Variants in RGS17 observed in about 807,000 individuals in gnomAD.
The protein encoded by RGS17 is regulator of G protein signaling 17, also known as regulator of G-protein signaling 17.
Under a neutral mutation model 25.5 loss-of-function variants are expected in RGS17, and 12 were observed. The observed-to-expected ratio is 0.47, with a 90% CI of 0.30 to 0.76. The LOEUF is 0.76. Ranked by LOEUF, RGS17 falls within the 30% of genes least tolerant of loss-of-function variation. The pLI is 0.07. For synonymous variants in RGS17, 71 were observed against 76.9 expected (o/e 0.92, Z 0.40); for missense variants, 196 against 242.2 (o/e 0.81, Z 1.27).
At chr6:153,086,957 T>G (rs1305748113) in intron 1 of RGS17, among the ~76,000 whole-genome samples, 1 of 152,126 alleles carries the variant, frequency 6.6e-6, no homozygotes, top group African/African-American at 2.4e-5. Flanking sequence ...CATTGGGTAT[T>G]TGAATTAAGT....
chr6:153,038,954 T>C (rs1488367545), intron 2 of RGS17, among the ~76,000 whole-genome samples: 1 of 152,170 alleles, frequency 6.6e-6, no homozygotes, highest in Non-Finnish European at 1.5e-5. Context: ...TGGGAACTAA[T>C]GTATCCAAAA....
rs565697172 is a variant in RGS17, at chr6:153,077,489, T to C, written c.-25-33446A>G. Among the ~76,000 whole-genome samples, 220 of 152,352 alleles carry C rather than the reference T, an allele frequency of 1.4e-3. 1 individual carries two copies. The highest frequency in any genetic ancestry group is 5.0e-3 in the African/African-American group (209 of 41,582). ...ATGGCCTTTATTCTTTGATAATATA[T>C]ACTGAAGTAGTTCAGCAGTAGTTTT... On this transcript the variant is annotated intron_variant, in intron 1 of 4. Coordinates refer to ENST00000206262, the MANE Select transcript of RGS17 (RefSeq NM_012419.5).
Position 153,051,997 on chromosome 6 carries a change from A to G in RGS17, c.-25-7954T>C, listed in dbSNP as rs148322702. Reference sequence around the variant, plus strand: ...ACCATAAAACTTTTCAGCTGCAAACATGATCTATTCTTAAAGACAAGGGAA... The same window carrying G: ...ACCATAAAACTTTTCAGCTGCAAACGTGATCTATTCTTAAAGACAAGGGAA... On this transcript the variant is annotated intron_variant, in intron 1 of 4. Transcript: ENST00000206262. Among the ~76,000 whole-genome samples the G allele has an allele frequency of 2.1e-3, 320 of 152,330 alleles. 1 individual carries two copies. The highest frequency in any genetic ancestry group is 7.2e-3 in the African/African-American group (301 of 41,584).
chr6:153,022,450 G>A (rs767752470), intron 4 of RGS17, among the ~76,000 whole-genome samples: 1 of 152,084 alleles, frequency 6.6e-6, no homozygotes, highest in Non-Finnish European at 1.5e-5. Context: ...AAGGGACATA[G>A]TATGGAGAAT....
At chr6:153,119,445 C>T (rs1777590901) in intron 1 of RGS17, among the ~76,000 whole-genome samples, 1 of 152,176 alleles carries the variant, frequency 6.6e-6, no homozygotes, top group Admixed American at 6.5e-5. Context: ...AATCCCAGCA[C>T]TTTGGGAGGC....
At chr6:153,049,329 C>T (rs909476270) in intron 1 of RGS17, among the ~76,000 whole-genome samples, 1 of 151,960 alleles carries the variant, frequency 6.6e-6, no homozygotes. Flanking sequence ...ATATTTATAA[C>T]AAAAATTGTA....
chr6:153,128,419 G>C (rs1777736720), intron 1 of RGS17, among the ~76,000 whole-genome samples: 1 of 152,098 alleles, frequency 6.6e-6, no homozygotes, highest in Non-Finnish European at 1.5e-5. Flanking sequence ...AGCCCTCTTG[G>C]CATCGTACCT....
At chr6:153,018,336 G>A (rs937185893) in intron 4 of RGS17, among the ~76,000 whole-genome samples, 2 of 152,178 alleles carry the variant, frequency 1.3e-5, no homozygotes, top group Admixed American at 1.3e-4. Context: ...AAGATCTTGG[G>A]CTTGAATTCT....
chr6:153,103,707 C>A (rs1327746287), intron 1 of RGS17, among the ~76,000 whole-genome samples: 1 of 152,200 alleles, frequency 6.6e-6, no homozygotes, highest in Non-Finnish European at 1.5e-5. Flanking sequence ...AAAAATGTAT[C>A]TTATCTTTTC....
chr6:153,068,262 T>C (rs1433425032), intron 1 of RGS17, among the ~76,000 whole-genome samples: 3 of 150,786 alleles, frequency 2.0e-5, no homozygotes, highest in African/African-American at 7.4e-5. Flanking sequence ...CTGACAAACA[T>C]GGTGAACCCC....
rs1779107226 is a variant in RGS17 at position 153,009,248 on chromosome 6, T to C, written c.*2326A>G. 2 of 152,100 alleles carry C rather than the reference T, an allele frequency of 1.3e-5. No individual in the cohort carries two copies. The highest frequency in any genetic ancestry group is 4.8e-5 in the African/African-American group (2 of 41,436). 9.4% of individuals were successfully genotyped at this position (152,100 alleles called of 1,614,324 possible). On this transcript the variant is annotated 3_prime_UTR_variant, in exon 5 of 5. Transcript: ENST00000206262. ...CCATCATATATAGTAACAACGAGAA[T>C]ATAAAGTCTACATTTAAAAAGATGG...
chr6:153,119,752 C>T (rs1488579489), intron 1 of RGS17, among the ~76,000 whole-genome samples: 1 of 152,200 alleles, frequency 6.6e-6, no homozygotes, highest in African/African-American at 2.4e-5. Context: ...TACATGTCCG[C>T]TGATTCTAAT....
intron 4 of RGS17, among the ~76,000 whole-genome samples, chr6:153,015,212 C>A (rs1027206434): frequency 2.0e-5 from 3 of 152,186 alleles, no homozygotes; most frequent in African/African-American, 7.2e-5. Flanking sequence ...ATGCTGTGAA[C>A]ATTGTTGAAA....
chr6:153,092,069 A>G (rs6557260), intron 1 of RGS17, among the ~76,000 whole-genome samples: 17,357 of 152,184 alleles, frequency 0.11, 1,065 homozygotes, highest in East Asian at 0.18. Context: ...CACTATATTT[A>G]TTACTACCTG....
chr6:153,100,886 C>T (rs1777293219), intron 1 of RGS17, among the ~76,000 whole-genome samples: 1 of 152,148 alleles, frequency 6.6e-6, no homozygotes, highest in African/African-American at 2.4e-5. Context: ...AAGGCAAATG[C>T]CAAGCTGTAC....
chr6:153,085,070 A>T (rs2129120224), intron 1 of RGS17, among the ~76,000 whole-genome samples: 1 of 152,266 alleles, frequency 6.6e-6, no homozygotes, highest in Admixed American at 6.5e-5. Context: ...CTTCTCTCTT[A>T]TATGTACTTT....
At chr6:153,024,615 T>C in intron 3 of RGS17, 119 bp from the exon 4 acceptor site, 1 of 728,494 alleles carries the variant, frequency 1.4e-6, no homozygotes, top group Non-Finnish European at 2.3e-6. Context: ...GTGGTCAGTA[T>C]TTTGCCACTC....
At chr6:153,121,611 G>C (rs914678401) in intron 1 of RGS17, among the ~76,000 whole-genome samples, 1 of 152,102 alleles carries the variant, frequency 6.6e-6, no homozygotes, top group Admixed American at 6.6e-5. Flanking sequence ...GCAATGTCCT[G>C]TTGCTCAATA....
chr6:153,084,988 TAAAG>T (rs1236672145), intron 1 of RGS17, among the ~76,000 whole-genome samples: 1 of 152,206 alleles, frequency 6.6e-6, no homozygotes, highest in Non-Finnish European at 1.5e-5. Context: ...AAAATTCAGA[TAAAG>T]AAACAAAATG....
Sources: gnomAD v4.1 joint callset for allele counts (sites outside exome capture counted in the v4.1 genomes callset) on GRCh38, gnomAD v4.1.1 for gene constraint, MANE v1.5 for transcripts, NCBI Gene and HGNC (gene_info 2026-07-23, HGNC 2026-07-21) for gene names.